Variants in PPP6R1 observed in about 807,000 individuals in gnomAD.
PPP6R1 encodes the protein serine/threonine-protein phosphatase 6 regulatory subunit 1.
A neutral mutation model predicts 104.6 loss-of-function variants in PPP6R1; 39 were observed. The observed-to-expected ratio is 0.37, with a 90% CI of 0.29 to 0.49. The LOEUF is 0.49. Ranked by LOEUF, PPP6R1 falls within the 20% of genes least tolerant of loss-of-function variation. PPP6R1 has a pLI of 0.98. For missense variants in PPP6R1, 1,181 were observed against 1,155.8 expected, an observed-to-expected ratio of 1.02 and a Z score of -0.32; for synonymous variants, 549 against 479.0, an observed-to-expected ratio of 1.15 and a Z score of -1.91.
rs1427148903 is a variant in PPP6R1 at position 55,231,462 on chromosome 19, C to G, written c.2407G>C (p.Asp803His). ...APCQALVSIGDLQATFHGIRS... is the reference protein window; with the variant it reads ...APCQALVSIGHLQATFHGIRS... Reference sequence around the variant, plus strand: ...ATCCCGTGGAAGGTGGCCTGAAGGTCCCCGATGCTAACCAAGGCCTGGCAA... The same window carrying G: ...ATCCCGTGGAAGGTGGCCTGAAGGTGCCCGATGCTAACCAAGGCCTGGCAA... The change falls in exon 21 of 24, where the codon GAC becomes CAC. Residue 803 changes from aspartate (D) to histidine (H), a missense_variant. Asp to His is a moderately conservative substitution (Grantham distance 81). Coordinates refer to ENST00000412770, the MANE Select transcript of PPP6R1 (RefSeq NM_014931.4). 6.2e-7 allele frequency: 1 copy of G among 1,608,272 alleles called. No homozygotes were observed. The highest frequency in any genetic ancestry group is 8.5e-7 in the Non-Finnish European group (1 of 1,177,854).
rs1600108047 is a variant in PPP6R1 at position 55,239,661 on chromosome 19, G to A, written c.1586C>T (p.Ser529Phe). The change falls in exon 14 of 24, where the codon TCC (serine) becomes TTC (phenylalanine). Residue 529 changes from serine to phenylalanine, a missense_variant. Physicochemically the swap from Ser to Phe is radical, Grantham distance 155. Coordinates refer to ENST00000412770, the MANE Select transcript of PPP6R1 (RefSeq NM_014931.4). Reference sequence around the variant, plus strand: ...CCGGTCGTCCTCATCGTCACTGGAGGAGTGTAGGTGGTGGGTGTTCACCTG... The same window carrying A: ...CCGGTCGTCCTCATCGTCACTGGAGAAGTGTAGGTGGTGGGTGTTCACCTG... ...VDLVNTHHLH[S>F]SSDDEDDRLK... 1 of 1,611,832 alleles carries A rather than the reference G, an allele frequency of 6.2e-7. No individual in the cohort carries two copies. The highest frequency in any genetic ancestry group is 2.2e-5 in the East Asian group (1 of 44,840).
downstream of PPP6R1, chr19:55,228,431 C>A: frequency 1.2e-6 from 2 of 1,611,980 alleles, no homozygotes; most frequent in Non-Finnish European, 1.7e-6. Flanking sequence ...CTGCAGACAT[C>A]TGGGCGCTTT....
At position 55,245,042 on chromosome 19, in the gene PPP6R1, T is replaced by C. The variant is rs973592189; in HGVS notation, c.618+78A>G. ...CGTGAGCCACTGCGTCCAGCCCCAATTCCTCTTTTAAAAGTGGGGAAGTGG... is the reference window on the plus strand; with the variant it reads ...CGTGAGCCACTGCGTCCAGCCCCAACTCCTCTTTTAAAAGTGGGGAAGTGG... On this transcript the variant is annotated intron_variant, in intron 5 of 23. Coordinates refer to ENST00000412770, the MANE Select transcript of PPP6R1 (RefSeq NM_014931.4). This position sits in a 1 kb window ranked among gnomAD's most constrained non-coding sequence, Gnocchi z 6.4. 4 of 1,560,102 alleles carry C rather than the reference T, an allele frequency of 2.6e-6. No individual in the cohort carries two copies. The highest frequency in any genetic ancestry group is 2.6e-6 in the Non-Finnish European group (3 of 1,148,192).
At chr19:55,236,602 G>A (rs768995168) in intron 17 of PPP6R1, 41 bp downstream of exon 17, 1 of 1,480,678 alleles carries the variant, frequency 6.8e-7, no homozygotes, top group African/African-American at 1.4e-5. Context: ...GCCCTGCCGT[G>A]TGGTGGAAGC....
At chr19:55,234,470 G>C (rs1260101520) in intron 17 of PPP6R1, among the ~76,000 whole-genome samples, 1 of 152,176 alleles carries the variant, frequency 6.6e-6, no homozygotes, top group African/African-American at 2.4e-5. Context: ...TATATGTAAA[G>C]GGATGAAGGT....
chr19:55,228,769 A>C (rs1346645787), downstream of PPP6R1: 2 of 1,610,884 alleles, frequency 1.2e-6, no homozygotes, highest in African/African-American at 2.7e-5. Context: ...AGAGCGACCT[A>C]ATCTGGGAGC....
At position 55,236,640 on chromosome 19, in the gene PPP6R1, C is replaced by A; in HGVS notation, c.1988+3G>T. On this transcript the variant is annotated splice_donor_region_variant and intron_variant, in intron 17 of 23. Transcript: ENST00000412770. ...GGAGAAGGGAAACTGGAGGGGGACT[C>A]ACCGGACACCAGGTGGCTGGCCCAG... The A allele has an allele frequency of 6.5e-7, 1 of 1,541,776 alleles. No individual in the cohort carries two copies. Among genetic ancestry groups the A allele is most frequent in the South Asian group, 1.3e-5 (1 of 79,572 alleles).
At chr19:55,252,460 G>A (rs868053817) in intron 1 of PPP6R1, among the ~76,000 whole-genome samples, 21 of 150,776 alleles carry the variant, frequency 1.4e-4, no homozygotes, top group Middle Eastern at 6.8e-3. Flanking sequence ...GTGCAGCGGC[G>A]CGATCTCGGC....
rs1326352112 is a variant in PPP6R1 at position 55,239,244 on chromosome 19, G to GAC, written c.1751+159_1751+160dup. 25 of 662,816 alleles carry GAC rather than the reference G, an allele frequency of 3.8e-5. No individual in the cohort carries two copies. In the Middle Eastern group the frequency reaches 1.1e-3, roughly 30 times the overall value. The allele number at this position is 662,816 out of a possible 1,614,324, so 41.1% of individuals were successfully genotyped here. A position where few individuals can be genotyped will look rare whatever the true frequency, so the allele number is the denominator to read the frequency against. ...CAGGAGGCAGACACACGAGGCTGCA[G>GAC]ACACACACACAAGGCCACGGCCAAC... On this transcript the variant is annotated intron_variant, in intron 15 of 23. Coordinates refer to ENST00000412770, the MANE Select transcript of PPP6R1 (RefSeq NM_014931.4).
At position 55,242,295 on chromosome 19, in the gene PPP6R1, C is replaced by CAGGGGT. The variant is rs2087465807; in HGVS notation, c.732-22_732-17dup. The CAGGGGT allele has an allele frequency of 1.9e-6, 3 of 1,613,056 alleles. No individual in the cohort carries two copies. The East Asian group carries it at 6.7e-5, about 36-fold the overall frequency. ...CGTCTCCTGCCTGCGGGGGCAGGGGCAGGGGTCAGGGTGAGGGGCCAGGGG... is the reference window on the plus strand; with the variant it reads ...CGTCTCCTGCCTGCGGGGGCAGGGGCAGGGGTAGGGGTCAGGGTGAGGGGCCAGGGG... On this transcript the variant is annotated splice_polypyrimidine_tract_variant and intron_variant, in intron 6 of 23. Coordinates refer to ENST00000412770, the MANE Select transcript of PPP6R1 (RefSeq NM_014931.4).
In PPP6R1 at chr19:55,239,462, A is replaced by C. The variant is rs1237833316; in HGVS notation, c.1694T>G (p.Phe565Cys). 1 of 1,613,884 alleles carries C rather than the reference A, an allele frequency of 6.2e-7. No individual in the cohort carries two copies. Among genetic ancestry groups the C allele is most frequent in the Non-Finnish European group, 8.5e-7 (1 of 1,179,894 alleles). Residue 565 changes from phenylalanine to cysteine, a missense_variant, in exon 15 of 24, where the codon TTC (phenylalanine) becomes TGC (cysteine). Physicochemically the swap from Phe to Cys is radical, Grantham distance 205. Around this residue, in one of 2 missense-constraint regions of PPP6R1, gnomAD observed 1,042 missense variants for 955.6 expected, o/e 1.09. Coordinates refer to ENST00000412770, the MANE Select transcript of PPP6R1 (RefSeq NM_014931.4). ...DFQMQRMTSA[F>C]IDHFGFNDEE... ...ATCATTGAAGCCGAAGTGGTCAATG[A>C]AGGCAGAGGTCATGCGCTGCATCTG... is the stretch of plus-strand genomic sequence containing the variant.
downstream of PPP6R1, chr19:55,228,423 G>A (rs779153760): frequency 4.3e-6 from 7 of 1,612,444 alleles, no homozygotes; most frequent in Non-Finnish European, 5.9e-6. Flanking sequence ...TCAGCCACCT[G>A]CAGACATCTG....
In PPP6R1 at chr19:55,246,860, G is replaced by A; in HGVS notation, c.227+17C>T. 6.4e-7 allele frequency: 1 copy of A among 1,561,702 alleles called. No homozygotes were observed. The highest frequency in any genetic ancestry group is 8.7e-7 in the Non-Finnish European group (1 of 1,150,886). On this transcript the variant is annotated intron_variant, in intron 2 of 23. Coordinates refer to ENST00000412770, the MANE Select transcript of PPP6R1 (RefSeq NM_014931.4). ...GATGCTGATAGGGACGGGCTGGCCA[G>A]GAGCTGGGGAACTCACTTGTAGCGC...
At chr19:55,248,459 C>T (rs1214448366) in intron 1 of PPP6R1, among the ~76,000 whole-genome samples, 1 of 152,268 alleles carries the variant, frequency 6.6e-6, no homozygotes, top group Non-Finnish European at 1.5e-5. Context: ...GCAGAGGCCA[C>T]TGCTACCCCC....
At chr19:55,257,595 C>G (rs993260361) in intron 1 of PPP6R1, among the ~76,000 whole-genome samples, 1 of 152,162 alleles carries the variant, frequency 6.6e-6, no homozygotes, top group African/African-American at 2.4e-5. Context: ...GCCCTTCTTC[C>G]CACTCTCCAT....
rs966782448 is a variant in PPP6R1 at position 55,232,464 on chromosome 19, T to C, written c.1989-253A>G. ...GAGACCGTCCGTCGCCAGTCATCCG[T>C]GGAGGGCAGGCCCTGGGGAAGTGGG... is the stretch of plus-strand genomic sequence containing the variant. On this transcript the variant is annotated intron_variant, in intron 17 of 23. Coordinates refer to ENST00000412770, the MANE Select transcript of PPP6R1 (RefSeq NM_014931.4). 8 of 451,332 alleles carry C rather than the reference T, an allele frequency of 1.8e-5. No homozygotes were observed. In the East Asian group the frequency reaches 3.0e-4, roughly 17 times the overall value. The allele number at this position is 451,332 out of a possible 1,614,324, so 28.0% of individuals were successfully genotyped here. A position where few individuals can be genotyped will look rare whatever the true frequency, so the allele number is the denominator to read the frequency against.
intron 15 of PPP6R1, chr19:55,238,947 TA>T (rs1271125026): frequency 5.5e-5 from 9 of 165,052 alleles, no homozygotes; most frequent in Non-Finnish European, 1.2e-4. Flanking sequence ...AAAGTTTTGT[TA>T]CCCCGAGGCC....
rs778977215 is a variant in PPP6R1 at position 55,231,650 on chromosome 19, G to A, written c.2325C>T (p.Pro775=). ...ALQLRSQDPT[P]PSAPQEATEG... ...CTGTGGCTTCCTGAGGTGCTGAGGGGGGTGTGGGGTCCTGAGACCTGGTAG... is the reference window on the plus strand; with the variant it reads ...CTGTGGCTTCCTGAGGTGCTGAGGGAGGTGTGGGGTCCTGAGACCTGGTAG... The change falls in exon 20 of 24, where the codon CCC becomes CCT. Residue 775 remains proline (P), a synonymous_variant. Coordinates refer to ENST00000412770, the MANE Select transcript of PPP6R1 (RefSeq NM_014931.4). 2.5e-6 allele frequency: 4 copies of A among 1,610,006 alleles called. No homozygotes were observed. Among genetic ancestry groups the A allele is most frequent in the Non-Finnish European group, 3.4e-6 (4 of 1,178,016 alleles).
chr19:55,231,794 G>T lies in PPP6R1; in HGVS notation c.2306+8C>A, dbSNP rs774842340. On this transcript the variant is annotated splice_region_variant and intron_variant, in intron 19 of 23. Coordinates refer to ENST00000412770, the MANE Select transcript of PPP6R1 (RefSeq NM_014931.4). ...AGCACCATTTAGCCCGTTCCATCCG[G>T]TTCTCACCTGAGCTGCAGGGCGTCA... The T allele has an allele frequency of 6.7e-7, 1 of 1,498,294 alleles. No homozygotes were observed. Among genetic ancestry groups the T allele is most frequent in the East Asian group, 2.3e-5 (1 of 42,856 alleles). The allele number at this position is 1,498,294 out of a possible 1,614,324, so 92.8% of individuals were successfully genotyped here.
Sources: gnomAD v4.1 joint callset for allele counts (sites outside exome capture counted in the v4.1 genomes callset) on GRCh38, gnomAD v4.1.1 for gene constraint, gnomAD v4.1.1 regional missense constraint, Gnocchi (gnomAD v3.1) non-coding constraint, MANE v1.5 for transcripts, NCBI Gene and HGNC (gene_info 2026-07-23, HGNC 2026-07-21) for gene names.